The following OPCML variants were observed in gnomAD, a reference collection of about 807,000 sequenced individuals.
OPCML encodes opioid binding protein/cell adhesion molecule like.
In OPCML, 13 loss-of-function variants were observed where a neutral mutation model predicts 37.8. That is an observed-to-expected ratio of 0.34 (90% confidence interval 0.22 to 0.55). OPCML has a LOEUF of 0.55. Among genes scored for constraint, OPCML ranks in the 20% least tolerant of loss-of-function variants. The pLI is 0.91. For missense variants in OPCML, 341 were observed against 435.6 expected, an observed-to-expected ratio of 0.78 and a Z score of 1.93; for synonymous variants, 176 against 168.8, an observed-to-expected ratio of 1.04 and a Z score of -0.33.
At position 132,906,814 on chromosome 11, in the gene OPCML, C is replaced by T. The variant is rs111470000; in HGVS notation, c.146+36112G>A. Among the ~76,000 whole-genome samples, 227 of 152,308 alleles carry T rather than the reference C, an allele frequency of 1.5e-3. 2 individuals are homozygous for T. The highest frequency in any genetic ancestry group is 5.1e-3 in the African/African-American group (214 of 41,572). On this transcript the variant is annotated intron_variant, in intron 2 of 7. Coordinates refer to ENST00000524381, the MANE Select transcript of OPCML (RefSeq NM_001012393.5). ...AAGGTTGCTGGCCTCTGTATCCCCA[C>T]CAGTGTTTCCTTGGTTGAAACCCAA...
At chr11:132,884,918 TA>T (rs1943353556) in intron 2 of OPCML, among the ~76,000 whole-genome samples, 1 of 152,146 alleles carries the variant, frequency 6.6e-6, no homozygotes, top group African/African-American at 2.4e-5. Context: ...ATAAAAGCCT[TA>T]GTTACATAGA....
chr11:132,422,783 A>C (rs1225835241), intron 7 of OPCML, among the ~76,000 whole-genome samples: 4 of 152,182 alleles, frequency 2.6e-5, no homozygotes. Flanking sequence ...CTCAGAATCT[A>C]TGCCCTTAAT....
Position 133,026,122 on chromosome 11 carries a change from TA to T in OPCML, c.62-83113del. The T allele has an allele frequency of 4.1e-6, 4 of 980,466 alleles. No homozygotes were observed. In the African/African-American group the frequency reaches 5.2e-5, roughly 13 times the overall value. 60.7% of individuals were successfully genotyped at this position (980,466 alleles called of 1,614,324 possible). ...ATGTGTTCAAGTTTTCTGTTGCACA[TA>T]ATAACTATTAGAAAACACCACCCAT... is the stretch of plus-strand genomic sequence containing the variant. On this transcript the variant is annotated intron_variant, in intron 1 of 7. Transcript: ENST00000524381.
intron 1 of OPCML, among the ~76,000 whole-genome samples, chr11:133,193,133 C>T (rs1248179530): frequency 6.6e-6 from 1 of 152,080 alleles, no homozygotes; most frequent in African/African-American, 2.4e-5. Flanking sequence ...CCTCAGCATG[C>T]CTCTAAACTG....
chr11:133,040,848 A>T (rs1340012178), intron 1 of OPCML, among the ~76,000 whole-genome samples: 1 of 152,136 alleles, frequency 6.6e-6, no homozygotes, highest in Non-Finnish European at 1.5e-5. Flanking sequence ...GAAGCACATC[A>T]AACACTCGGA....
At chr11:132,947,020 C>T (rs2063073) in intron 1 of OPCML, among the ~76,000 whole-genome samples, 3,992 of 152,222 alleles carry the variant, frequency 0.026, 184 homozygotes, top group African/African-American at 0.089. Context: ...GGGTGGCAGC[C>T]GTGGAGTTGG....
chr11:133,347,953 C>A (rs562415119), intron 1 of OPCML, among the ~76,000 whole-genome samples: 1 of 152,230 alleles, frequency 6.6e-6, no homozygotes, highest in South Asian at 2.1e-4. Context: ...GAGGATATGA[C>A]AATCCATATC....
chr11:133,327,689 C>T (rs1943507461), intron 1 of OPCML, among the ~76,000 whole-genome samples: 1 of 152,130 alleles, frequency 6.6e-6, no homozygotes, highest in South Asian at 2.1e-4. Flanking sequence ...TCATAATTGC[C>T]AGATTCTCTG....
At chr11:133,118,684 C>T (rs1158780) in intron 1 of OPCML, among the ~76,000 whole-genome samples, 92,484 of 151,822 alleles carry the variant, frequency 0.61, 28,311 homozygotes, top group East Asian at 0.79. Context: ...AGTTCACTCC[C>T]GCTCAGTAGC....
At chr11:133,263,423 T>C (rs1347977288) in intron 1 of OPCML, among the ~76,000 whole-genome samples, 1 of 152,186 alleles carries the variant, frequency 6.6e-6, no homozygotes, top group Non-Finnish European at 1.5e-5. Flanking sequence ...GTCACTGCTG[T>C]ACAGGGGTAT....
At chr11:133,448,510 T>C (rs2136953654) in intron 1 of OPCML, among the ~76,000 whole-genome samples, 1 of 152,220 alleles carries the variant, frequency 6.6e-6, no homozygotes, top group Non-Finnish European at 1.5e-5. Flanking sequence ...CAGGCTGGAG[T>C]GCAAAGGCGC....
At chr11:133,395,507 C>T (rs927385536) in intron 1 of OPCML, among the ~76,000 whole-genome samples, 1 of 152,080 alleles carries the variant, frequency 6.6e-6, no homozygotes, top group Non-Finnish European at 1.5e-5. Context: ...TAATGTTTTC[C>T]TGTAGTGGTT....
intron 1 of OPCML, among the ~76,000 whole-genome samples, chr11:133,335,502 G>A (rs1192405042): frequency 6.6e-6 from 1 of 152,194 alleles, no homozygotes; most frequent in Non-Finnish European, 1.5e-5. Flanking sequence ...GCTGCTGCTG[G>A]TGTAGGCAAA....
At position 133,039,911 on chromosome 11, in the gene OPCML, C is replaced by A. The variant is rs530347936; in HGVS notation, c.62-96901G>T. On this transcript the variant is annotated intron_variant, in intron 1 of 7. Coordinates refer to ENST00000524381, the MANE Select transcript of OPCML (RefSeq NM_001012393.5). ...GGGTATGGTGGTGGGCACCTGTAAT[C>A]CCAGCTACTCGGGAGGCTGAGGCAG... Among the ~76,000 whole-genome samples the A allele has an allele frequency of 2.0e-5, 3 of 151,978 alleles. No homozygotes were observed. In the South Asian group the frequency reaches 6.3e-4, roughly 32 times the overall value.
chr11:132,648,330 TGGCAGACA>T (rs1210879447), intron 3 of OPCML, among the ~76,000 whole-genome samples: 2 of 152,168 alleles, frequency 1.3e-5, no homozygotes, highest in Non-Finnish European at 2.9e-5. Flanking sequence ...CTGGAGGTAT[TGGCAGACA>T]GGTCTCTTCG....
intron 1 of OPCML, among the ~76,000 whole-genome samples, chr11:133,288,885 G>A (rs971591339): frequency 2.0e-5 from 3 of 152,082 alleles, no homozygotes; most frequent in Non-Finnish European, 4.4e-5. Flanking sequence ...GCCTGACCTC[G>A]TCCCTTAGTG....
At chr11:132,894,192 AC>A (rs1258750854) in intron 2 of OPCML, among the ~76,000 whole-genome samples, 1 of 152,202 alleles carries the variant, frequency 6.6e-6, no homozygotes, top group Non-Finnish European at 1.5e-5. Flanking sequence ...TCATCTTGTT[AC>A]ACTAGGTCTT....
chr11:132,830,111 AT>A (rs1212705294), intron 2 of OPCML, among the ~76,000 whole-genome samples: 1 of 151,988 alleles, frequency 6.6e-6, no homozygotes, highest in African/African-American at 2.4e-5. Flanking sequence ...AATCTGTATT[AT>A]TTTCATGTGG....
At chr11:133,053,661 G>A (rs1299437526) in intron 1 of OPCML, among the ~76,000 whole-genome samples, 1 of 152,136 alleles carries the variant, frequency 6.6e-6, no homozygotes, top group African/African-American at 2.4e-5. Flanking sequence ...TGGCTTCTGG[G>A]AAAGCACGCT....
Sources: gnomAD v4.1 joint callset for allele counts (sites outside exome capture counted in the v4.1 genomes callset) on GRCh38, gnomAD v4.1.1 for gene constraint, MANE v1.5 for transcripts, NCBI Gene and HGNC (gene_info 2026-07-23, HGNC 2026-07-21) for gene names.